RARB: variants seen among roughly 807,000 people sequenced by gnomAD.
RARB encodes HBV-activated protein.
In RARB, 17 loss-of-function variants were observed where a neutral mutation model predicts 51.9. That is an observed-to-expected ratio of 0.33 (90% CI 0.22 to 0.49). The LOEUF is 0.49. Among genes scored for constraint, RARB ranks in the 20% least tolerant of loss-of-function variants. The pLI, the probability that RARB is intolerant of heterozygous loss-of-function variation, is 0.99. For synonymous variants in RARB, 215 were observed against 195.4 expected (o/e 1.10, Z -0.84); for missense variants, 369 against 550.8 (o/e 0.67, Z 3.30).
intron 2 of RARB, among the ~76,000 whole-genome samples, chr3:24,888,474 T>C (rs917626904): frequency 4.6e-5 from 7 of 152,116 alleles, no homozygotes; most frequent in Non-Finnish European, 4.4e-5. Context: ...TGATGAGTTA[T>C]AGCTTTTATT....
chr3:25,144,107 T>C (rs1700151499), intron 4 of RARB, among the ~76,000 whole-genome samples: 2 of 152,212 alleles, frequency 1.3e-5, no homozygotes, highest in Non-Finnish European at 2.9e-5. Context: ...CCTTAGTTCA[T>C]ACATTCAACA....
chr3:25,357,592 T>G, intron 5 of RARB, among the ~76,000 whole-genome samples: 2 of 152,248 alleles, frequency 1.3e-5, no homozygotes, highest in Non-Finnish European at 2.9e-5. Flanking sequence ...TGCCCATGCC[T>G]ATGTCCTGAA....
At chr3:25,481,406 T>G (rs1298164164) in intron 2 of RARB, among the ~76,000 whole-genome samples, 1 of 152,222 alleles carries the variant, frequency 6.6e-6, no homozygotes, top group African/African-American at 2.4e-5. Flanking sequence ...TTTTTTGAAT[T>G]TTTCTGCATT....
chr3:24,908,192 G>T (rs970453280), intron 2 of RARB, among the ~76,000 whole-genome samples: 1 of 152,076 alleles, frequency 6.6e-6, no homozygotes, highest in East Asian at 1.9e-4. Context: ...TCAGATATTT[G>T]GTCTCCTAGA....
chr3:25,440,473 A>AT (rs202139539), intron 1 of RARB, among the ~76,000 whole-genome samples: 1 of 151,090 alleles, frequency 6.6e-6, no homozygotes, highest in Non-Finnish European at 1.5e-5. Flanking sequence ...AAAGAAATTT[A>AT]TTTAAAAAAA....
chr3:25,253,424 C>T (rs1343292493), intron 5 of RARB, among the ~76,000 whole-genome samples: 2 of 152,082 alleles, frequency 1.3e-5, no homozygotes, highest in Non-Finnish European at 2.9e-5. Context: ...TGTGTCTGCC[C>T]ACCCAATTAC....
chr3:25,488,763 G>A (rs9884069), intron 2 of RARB, among the ~76,000 whole-genome samples: 12,327 of 152,276 alleles, frequency 0.081, 1,603 homozygotes, highest in African/African-American at 0.28. Context: ...TCTGTCTAAA[G>A]CCAGCAATTT....
chr3:24,988,644 C>T (rs192598058), intron 2 of RARB, among the ~76,000 whole-genome samples: 187 of 152,044 alleles, frequency 1.2e-3, no homozygotes, highest in Non-Finnish European at 2.1e-3. Context: ...AATACTATCC[C>T]ACTCTACCTT....
intron 5 of RARB, among the ~76,000 whole-genome samples, chr3:25,320,880 A>C (rs1428501410): frequency 2.6e-5 from 4 of 152,206 alleles, no homozygotes; most frequent in African/African-American, 9.7e-5. Context: ...AATGTTCATC[A>C]CTTAATCCCT....
At chr3:25,125,643 C>T (rs577719652) in intron 3 of RARB, among the ~76,000 whole-genome samples, 5 of 152,146 alleles carry the variant, frequency 3.3e-5, no homozygotes, top group Non-Finnish European at 5.9e-5. Flanking sequence ...GGGATTAAAT[C>T]TCCATAATCA....
chr3:25,016,852 G>A (rs764559008), intron 2 of RARB, among the ~76,000 whole-genome samples: 6 of 151,850 alleles, frequency 4.0e-5, no homozygotes, highest in African/African-American at 4.8e-5. Context: ...AACAAACACC[G>A]GTAAAAGCTA....
chr3:24,901,478 T>C (rs1208446678), intron 2 of RARB, among the ~76,000 whole-genome samples: 2 of 152,196 alleles, frequency 1.3e-5, no homozygotes, highest in African/African-American at 2.4e-5. Flanking sequence ...TAGCCTCAAG[T>C]GATCCTCCTG....
rs117287612 is a variant in RARB, at chr3:25,104,021, G to A, written c.-327-28140G>A. The stretch of plus-strand genomic sequence containing the variant: ...GACACTCACATCAGACAGATATGCC[G>A]TACAGTTTCTACCTTTGGACTGGGT... On this transcript the variant is annotated intron_variant, in intron 3 of 11. Coordinates refer to the RARB transcript ENST00000383772. Among the ~76,000 whole-genome samples, 672 of 152,246 alleles carry A rather than the reference G, an allele frequency of 4.4e-3. 17 individuals carry two copies. The East Asian group carries it at 0.065, about 15-fold the overall frequency.
intron 1 of RARB, among the ~76,000 whole-genome samples, chr3:25,456,948 C>T (rs1559412422): frequency 6.6e-6 from 1 of 151,970 alleles, no homozygotes; most frequent in Non-Finnish European, 1.5e-5. Flanking sequence ...CTTGATTTCT[C>T]CTGGGATAAA....
intron 5 of RARB, among the ~76,000 whole-genome samples, chr3:25,189,343 T>C (rs1242590320): frequency 2.0e-5 from 3 of 152,160 alleles, no homozygotes; most frequent in Non-Finnish European, 4.4e-5. Context: ...CAATTATCCA[T>C]AAAAACTATT....
At chr3:25,181,175 G>A (rs191361947) in intron 5 of RARB, among the ~76,000 whole-genome samples, 106 of 152,230 alleles carry the variant, frequency 7.0e-4, no homozygotes, top group Non-Finnish European at 1.4e-3. Flanking sequence ...TTCCTACTGA[G>A]AAGTCATAAT....
In RARB at chr3:25,203,608, C is replaced by G. The variant is rs370358865; in HGVS notation, c.178+29033C>G. 4.0e-3 allele frequency among the ~76,000 whole-genome samples: 604 copies of G among 152,232 alleles called. 10 individuals carry two copies. Among genetic ancestry groups the G allele is most frequent in the East Asian group, 0.03 (154 of 5,182 alleles). ...CCATGTTTAGTGCTTCCTTCAGGAG[C>G]TCTTGTAGGGCAGGCCTGGTGGTGA... On this transcript the variant is annotated intron_variant, in intron 5 of 11. Coordinates refer to the RARB transcript ENST00000383772.
At chr3:25,070,760 T>A (rs1288949145) in intron 3 of RARB, among the ~76,000 whole-genome samples, 2 of 152,222 alleles carry the variant, frequency 1.3e-5, no homozygotes, top group South Asian at 2.1e-4. Context: ...TCTCAAGGTA[T>A]GTTCAGGTAT....
Position 24,910,086 on chromosome 3 carries a change from T to C in RARB, c.-380+51334T>C, listed in dbSNP as rs185947788. On this transcript the variant is annotated intron_variant, in intron 2 of 11. Coordinates refer to the RARB transcript ENST00000383772. The stretch of plus-strand genomic sequence containing the variant: ...CTCATAGCAACCACATAAATCTGAA[T>C]CTTTCTATCCCCATTTTTGGCAAAG... Among the ~76,000 whole-genome samples, 280 of 152,306 alleles carry C rather than the reference T, an allele frequency of 1.8e-3. 2 individuals are homozygous for C. Among genetic ancestry groups the C allele is most frequent in the Non-Finnish European group, 3.0e-3 (205 of 68,014 alleles).
Sources: gnomAD v4.1 joint callset for allele counts (sites outside exome capture counted in the v4.1 genomes callset) on GRCh38, gnomAD v4.1.1 for gene constraint, MANE v1.5 for transcripts, NCBI Gene and HGNC (gene_info 2026-07-23, HGNC 2026-07-21) for gene names.